Variants in SRPK2 observed in about 807,000 individuals in gnomAD.
The protein encoded by SRPK2 is SRSF protein kinase 2.
Under a neutral mutation model 90.8 loss-of-function variants are expected in SRPK2, and 21 were observed. The ratio of observed to expected loss-of-function variants is 0.23; its 90% CI spans 0.16 to 0.33. The LOEUF is 0.33. Among genes scored for constraint, SRPK2 ranks in the 10% least tolerant of loss-of-function variants. SRPK2 has a pLI of 1.00. For missense variants in SRPK2, 620 were observed against 869.0 expected (o/e 0.71, Z 3.60); for synonymous variants, 288 against 311.1 (o/e 0.93, Z 0.78).
At chr7:105,275,445 C>G (rs1806364541) in intron 2 of SRPK2, among the ~76,000 whole-genome samples, 1 of 152,036 alleles carries the variant, frequency 6.6e-6, no homozygotes, top group African/African-American at 2.4e-5. Context: ...CCCATTCATT[C>G]TCTTGCATCC....
At chr7:105,348,609 G>A (rs1816761612) in intron 2 of SRPK2, among the ~76,000 whole-genome samples, 1 of 150,706 alleles carries the variant, frequency 6.6e-6, no homozygotes, top group African/African-American at 2.4e-5. Flanking sequence ...TTTTAGTAGA[G>A]ATGAGATTTC....
At chr7:105,381,603 T>C (rs1219556263) in intron 2 of SRPK2, among the ~76,000 whole-genome samples, 2 of 152,230 alleles carry the variant, frequency 1.3e-5, no homozygotes, top group African/African-American at 2.4e-5. Flanking sequence ...CTTACTCTTC[T>C]AGCATCCAAC....
intron 1 of SRPK2, among the ~76,000 whole-genome samples, chr7:105,397,948 G>A (rs182157358): frequency 3.3e-5 from 5 of 152,084 alleles, no homozygotes; most frequent in Admixed American, 6.6e-5. Flanking sequence ...GCACCCAACC[G>A]GTTTTAAAGG....
intron 11 of SRPK2, among the ~76,000 whole-genome samples, chr7:105,135,605 G>A (rs1395853589): frequency 6.6e-6 from 1 of 152,186 alleles, no homozygotes; most frequent in Non-Finnish European, 1.5e-5. Flanking sequence ...TAGCCGAGTT[G>A]GCTGTTATCT....
chr7:105,141,273 T>C (rs1803720610), intron 11 of SRPK2, among the ~76,000 whole-genome samples: 1 of 152,196 alleles, frequency 6.6e-6, no homozygotes, highest in African/African-American at 2.4e-5. Context: ...TCATCAATTT[T>C]ACTCGCTGTG....
chr7:105,302,348 G>A (rs1810647874), intron 2 of SRPK2, among the ~76,000 whole-genome samples: 1 of 152,188 alleles, frequency 6.6e-6, no homozygotes, highest in African/African-American at 2.4e-5. Context: ...TAAATGGACA[G>A]GCATGTGGAA....
intron 2 of SRPK2, among the ~76,000 whole-genome samples, chr7:105,291,842 C>T (rs1809071399): frequency 6.6e-6 from 1 of 152,160 alleles, no homozygotes; most frequent in African/African-American, 2.4e-5. Context: ...AATATCTCTA[C>T]TTGTGGTAGC....
chr7:105,159,740 G>T (rs1236758245), intron 7 of SRPK2, among the ~76,000 whole-genome samples: 1 of 151,988 alleles, frequency 6.6e-6, no homozygotes, highest in Non-Finnish European at 1.5e-5. Context: ...CCTAGCTGAG[G>T]GTTTTCTTCT....
chr7:105,263,029 G>T (rs1804530765), intron 2 of SRPK2, among the ~76,000 whole-genome samples: 1 of 152,112 alleles, frequency 6.6e-6, no homozygotes, highest in African/African-American at 2.4e-5. Flanking sequence ...AGACATGTAT[G>T]GAAATGCTCA....
chr7:105,213,855 T>C (rs536799492), intron 2 of SRPK2, among the ~76,000 whole-genome samples: 1 of 152,174 alleles, frequency 6.6e-6, no homozygotes, highest in Admixed American at 6.6e-5. Flanking sequence ...ATGTAAGATG[T>C]ACCACTTTAC....
At chr7:105,223,424 C>T (rs572579327) in intron 2 of SRPK2, among the ~76,000 whole-genome samples, 2 of 152,322 alleles carry the variant, frequency 1.3e-5, no homozygotes, top group Admixed American at 1.3e-4. Flanking sequence ...ACCTCCCTGC[C>T]CAAGTGTCAA....
chr7:105,361,767 G>C (rs1328104852), intron 2 of SRPK2, among the ~76,000 whole-genome samples: 1 of 152,126 alleles, frequency 6.6e-6, no homozygotes, highest in African/African-American at 2.4e-5. Flanking sequence ...AAACTGGCTA[G>C]CTATATGTAG....
At chr7:105,127,294 A>C (rs548149207) in intron 13 of SRPK2, among the ~76,000 whole-genome samples, 19 of 152,344 alleles carry the variant, frequency 1.2e-4, no homozygotes, top group African/African-American at 4.3e-4. Flanking sequence ...TTCATTTTGC[A>C]GGAAGCAAAA....
intron 2 of SRPK2, among the ~76,000 whole-genome samples, chr7:105,220,765 T>C (rs1760795817): frequency 1.3e-5 from 2 of 152,102 alleles, no homozygotes; most frequent in Admixed American, 1.3e-4. Flanking sequence ...TTTTTTTCCA[T>C]CAAGACATCC....
At position 105,383,052 on chromosome 7, in the gene SRPK2, A is replaced by ATTTTTTTTTTTTTTTTTT. The variant is rs1563315577; in HGVS notation, c.71+5595_71+5596insAAAAAAAAAAAAAAAAAA. Among the ~76,000 whole-genome samples the ATTTTTTTTTTTTTTTTTT allele has an allele frequency of 4.7e-5, 5 of 105,322 alleles. 2 individuals are homozygous for ATTTTTTTTTTTTTTTTTT. The highest frequency in any genetic ancestry group is 1.1e-4 in the African/African-American group (3 of 26,556). The allele number at this position is 105,322 out of a possible 152,430, so 69.1% of individuals were successfully genotyped here. Reference sequence around the variant, plus strand: ...AGTCTGAAATTATTTCAAAAGTAAAAATTTTTTTTTTTTTTTTTTTTTTTT... The same window carrying ATTTTTTTTTTTTTTTTTT: ...AGTCTGAAATTATTTCAAAAGTAAAATTTTTTTTTTTTTTTTTTATTTTTTTTTTTTTTTTTTTTTTTT... On this transcript the variant is annotated intron_variant, in intron 2 of 15. Transcript: ENST00000393651.
intron 1 of SRPK2, among the ~76,000 whole-genome samples, chr7:105,396,327 T>C (rs1285328198): frequency 6.6e-6 from 1 of 151,552 alleles, no homozygotes; most frequent in African/African-American, 2.4e-5. Context: ...AATGAGACCA[T>C]ACATCTTAAA....
intron 2 of SRPK2, among the ~76,000 whole-genome samples, chr7:105,307,264 C>G (rs1811243783): frequency 1.3e-5 from 2 of 151,934 alleles, no homozygotes. Context: ...GTGGTGGATA[C>G]AAAGAGGCTT....
intron 3 of SRPK2, among the ~76,000 whole-genome samples, chr7:105,170,967 G>GAA (rs66735717): frequency 0.23 from 16,776 of 73,534 alleles, 3,087 homozygotes; most frequent in Middle Eastern, 0.26. Flanking sequence ...AAGAAAGAAA[G>GAA]AGAAAGAAAG....
intron 2 of SRPK2, among the ~76,000 whole-genome samples, chr7:105,230,889 ATTG>A (rs1315967403): frequency 1.3e-5 from 2 of 152,228 alleles, no homozygotes; most frequent in African/African-American, 4.8e-5. Flanking sequence ...CAGCCAACAT[ATTG>A]TTAATACTAT....
Sources: allele counts gnomAD v4.1 joint callset (sites outside exome capture counted in the v4.1 genomes callset), GRCh38; gene constraint gnomAD v4.1.1; transcripts MANE v1.5; gene names NCBI Gene and HGNC (gene_info 2026-07-23, HGNC 2026-07-21).